The following DLG2 variants were observed in gnomAD, a reference collection of about 807,000 sequenced individuals.
DLG2 encodes discs large MAGUK scaffold protein 2, also known as disks large homolog 2.
Under a neutral mutation model 132.5 loss-of-function variants are expected in DLG2, and 45 were observed. The observed-to-expected ratio is 0.34, with a 90% CI of 0.27 to 0.44. The LOEUF (loss-of-function observed/expected upper bound fraction) is 0.44, where lower values mean the gene tolerates loss of function less well. Ranked by LOEUF, DLG2 falls within the 20% of genes least tolerant of loss-of-function variation. The pLI is 1.00. For missense variants in DLG2, 1,045 were observed against 1,196.9 expected, an observed-to-expected ratio of 0.87 and a Z score of 1.87; for synonymous variants, 424 against 419.6, an observed-to-expected ratio of 1.01 and a Z score of -0.13.
chr11:83,685,236 T>C (rs1371944847), intron 18 of DLG2, among the ~76,000 whole-genome samples: 4 of 152,190 alleles, frequency 2.6e-5, no homozygotes, highest in East Asian at 1.9e-4. Flanking sequence ...TTAAATCTCA[T>C]ATCCACTGCT....
chr11:83,746,452 T>C (rs1043992964), intron 18 of DLG2, among the ~76,000 whole-genome samples: 7 of 152,050 alleles, frequency 4.6e-5, no homozygotes, highest in African/African-American at 7.3e-5. Context: ...CTGGAAACCA[T>C]CATTCTCAGC....
chr11:84,294,145 T>C (rs1388432982), intron 7 of DLG2, among the ~76,000 whole-genome samples: 1 of 152,226 alleles, frequency 6.6e-6, no homozygotes, highest in Non-Finnish European at 1.5e-5. Context: ...TTGCAGCTGT[T>C]GGCCTAACTC....
chr11:83,765,879 G>C (rs2094121378), intron 18 of DLG2, among the ~76,000 whole-genome samples: 1 of 152,172 alleles, frequency 6.6e-6, no homozygotes, highest in Admixed American at 6.5e-5. Flanking sequence ...TAGTGATAGT[G>C]TATGTTTGTC....
At chr11:83,593,717 A>C (rs1460364458) in intron 19 of DLG2, among the ~76,000 whole-genome samples, 1 of 151,932 alleles carries the variant, frequency 6.6e-6, no homozygotes, top group Non-Finnish European at 1.5e-5. Context: ...TCTCTATAAA[A>C]ATCATGTGGA....
chr11:83,774,471 C>T (rs2040307), intron 18 of DLG2, among the ~76,000 whole-genome samples: 48,032 of 152,008 alleles, frequency 0.32, 10,610 homozygotes, highest in African/African-American at 0.63. Context: ...AAGAATGAGA[C>T]TCCAAGAAGT....
At chr11:85,331,609 T>G (rs535561762) in intron 3 of DLG2, among the ~76,000 whole-genome samples, 2 of 152,340 alleles carry the variant, frequency 1.3e-5, no homozygotes, top group South Asian at 4.1e-4. Flanking sequence ...TCAAACCTCA[T>G]TCTTCTGCCA....
chr11:85,143,461 G>A (rs2076631596), intron 5 of DLG2, among the ~76,000 whole-genome samples: 1 of 151,326 alleles, frequency 6.6e-6, no homozygotes, highest in East Asian at 1.9e-4. Context: ...AAAGTTTGTT[G>A]ATTTACTAAT....
intron 15 of DLG2, among the ~76,000 whole-genome samples, chr11:83,902,087 A>G (rs12279274): frequency 0.096 from 14,680 of 152,190 alleles, 843 homozygotes; most frequent in Middle Eastern, 0.2. Context: ...ACTAATTCAC[A>G]AATGTAATTC....
At chr11:84,809,094 C>A (rs2076291555) in intron 6 of DLG2, among the ~76,000 whole-genome samples, 1 of 151,914 alleles carries the variant, frequency 6.6e-6, no homozygotes, top group Non-Finnish European at 1.5e-5. Context: ...ATACCATGAT[C>A]AAGTGGAGGT....
At chr11:84,286,720 C>A (rs935680392) in intron 7 of DLG2, among the ~76,000 whole-genome samples, 1 of 152,114 alleles carries the variant, frequency 6.6e-6, no homozygotes, top group African/African-American at 2.4e-5. Context: ...TAATGGTCAA[C>A]AAGTGTCTGA....
At chr11:84,560,654 C>T (rs976598304) in intron 6 of DLG2, among the ~76,000 whole-genome samples, 3 of 151,980 alleles carry the variant, frequency 2.0e-5, no homozygotes, top group Admixed American at 6.6e-5. Flanking sequence ...TTAAAATCAA[C>T]AGAAAATCAT....
intron 7 of DLG2, among the ~76,000 whole-genome samples, chr11:84,486,105 C>T (rs2099150170): frequency 6.6e-6 from 1 of 152,114 alleles, no homozygotes; most frequent in African/African-American, 2.4e-5. Flanking sequence ...CCCCTGTCAC[C>T]TATAAGGGGA....
At chr11:84,855,645 C>A (rs1041838927) in intron 6 of DLG2, among the ~76,000 whole-genome samples, 1 of 152,028 alleles carries the variant, frequency 6.6e-6, no homozygotes, top group Non-Finnish European at 1.5e-5. Flanking sequence ...GTTCATACTG[C>A]AGAAGAATTA....
chr11:83,998,254 T>C (rs2094154938), intron 11 of DLG2, among the ~76,000 whole-genome samples: 1 of 152,202 alleles, frequency 6.6e-6, no homozygotes, highest in Non-Finnish European at 1.5e-5. Context: ...CAATTTTGTT[T>C]GTTGTTGGCT....
chr11:85,023,556 A>C (rs1566671345), intron 6 of DLG2, among the ~76,000 whole-genome samples: 2 of 152,130 alleles, frequency 1.3e-5, no homozygotes, highest in African/African-American at 4.8e-5. Flanking sequence ...AGCACAAGAT[A>C]ATAGAGATTA....
chr11:84,740,345 T>G (rs1029663816), intron 6 of DLG2, among the ~76,000 whole-genome samples: 2 of 152,028 alleles, frequency 1.3e-5, no homozygotes, highest in African/African-American at 4.8e-5. Context: ...CCCATCAGGC[T>G]CCATTGCCAC....
At chr11:84,092,009 ATC>A (rs1415233790) in intron 10 of DLG2, among the ~76,000 whole-genome samples, 1 of 152,218 alleles carries the variant, frequency 6.6e-6, no homozygotes, top group Non-Finnish European at 1.5e-5. Flanking sequence ...CAGTAAGAGA[ATC>A]TCTCTGTTTT....
At chr11:85,234,147 T>C (rs893658404) in intron 4 of DLG2, among the ~76,000 whole-genome samples, 9 of 151,886 alleles carry the variant, frequency 5.9e-5, no homozygotes, top group Non-Finnish European at 1.0e-4. Flanking sequence ...AAACTACTGA[T>C]TATAATATAG....
intron 7 of DLG2, among the ~76,000 whole-genome samples, chr11:84,409,773 T>C (rs2098888813): frequency 6.6e-6 from 1 of 152,248 alleles, no homozygotes; most frequent in Non-Finnish European, 1.5e-5. Flanking sequence ...AATTTAGTTT[T>C]AGTGCAATTA....
Sources: gnomAD v4.1 joint callset for allele counts (sites outside exome capture counted in the v4.1 genomes callset) on GRCh38, gnomAD v4.1.1 for gene constraint, MANE v1.5 for transcripts, NCBI Gene and HGNC (gene_info 2026-07-23, HGNC 2026-07-21) for gene names.